Variants in WIPF3 observed in about 807,000 individuals in gnomAD.
WIPF3 encodes the protein WAS/WASL interacting protein family member 3.
A neutral mutation model predicts 38.9 loss-of-function variants in WIPF3; 33 were observed. The ratio of observed to expected loss-of-function variants is 0.85; its 90% CI spans 0.64 to 1.14. The LOEUF (loss-of-function observed/expected upper bound fraction) is 1.14. Among genes scored for constraint, WIPF3 ranks in the 50% most tolerant of loss-of-function variants. WIPF3 has a pLI of 0.00. For missense variants in WIPF3, 711 were observed against 652.5 expected (o/e 1.09, Z -0.98); for synonymous variants, 324 against 269.3 (o/e 1.20, Z -1.99).
At chr7:29,822,609 GT>G (rs888516583) in intron 1 of WIPF3, among the ~76,000 whole-genome samples, 1 of 152,146 alleles carries the variant, frequency 6.6e-6, no homozygotes, top group African/African-American at 2.4e-5. Context: ...AGGAGCTAGT[GT>G]TTCCCACTTT....
chr7:29,866,180 T>G (rs181645069), intron 2 of WIPF3, among the ~76,000 whole-genome samples: 1 of 152,264 alleles, frequency 6.6e-6, no homozygotes. Flanking sequence ...AAGTCTAGAT[T>G]CACTTACATT....
At chr7:29,813,976 A>T (rs568376452) in intron 1 of WIPF3, among the ~76,000 whole-genome samples, 1 of 150,908 alleles carries the variant, frequency 6.6e-6, no homozygotes, top group African/African-American at 2.4e-5. Flanking sequence ...ACTGGAGTCC[A>T]GTGGTGCTAT....
intron 1 of WIPF3, among the ~76,000 whole-genome samples, chr7:29,833,068 C>T (rs6462184): frequency 0.53 from 80,983 of 152,090 alleles, 21,898 homozygotes; most frequent in Middle Eastern, 0.64. Context: ...CAGACTCAAA[C>T]GGACAAATGT....
chr7:29,910,408 G>A (rs2190086), intron 8 of WIPF3, among the ~76,000 whole-genome samples: 96,245 of 151,964 alleles, frequency 0.63, 31,442 homozygotes, highest in East Asian at 0.88. Flanking sequence ...AGGAGGGAAC[G>A]CTTTTTATCT....
intron 2 of WIPF3, among the ~76,000 whole-genome samples, chr7:29,852,230 T>A (rs1785111240): frequency 6.6e-6 from 1 of 152,176 alleles, no homozygotes; most frequent in African/African-American, 2.4e-5. Context: ...GGTTTCAAAC[T>A]CCTGGCGTCA....
rs752523633 is a variant in WIPF3, at chr7:29,888,111, G to A, written c.1143G>A (p.Ala381=). 7 of 1,613,798 alleles carry A rather than the reference G, an allele frequency of 4.3e-6. No homozygotes were observed. The highest frequency in any genetic ancestry group is 4.5e-5 in the East Asian group (2 of 44,892). The change falls in exon 6 of 9, where the codon GCG becomes GCA. Residue 381 remains alanine, a synonymous_variant. Coordinates refer to ENST00000242140, the MANE Select transcript of WIPF3 (RefSeq NM_001080529.3). ...GKLNPPPAPP[A]RSPTTELSSK... Reference sequence around the variant, plus strand: ...TAAATCCACCTCCAGCACCCCCTGCGAGATCACCTACCACAGAGCTTTCAA... The same window carrying A: ...TAAATCCACCTCCAGCACCCCCTGCAAGATCACCTACCACAGAGCTTTCAA...
At chr7:29,910,038 G>T (rs1477399994) in intron 8 of WIPF3, among the ~76,000 whole-genome samples, 2 of 152,146 alleles carry the variant, frequency 1.3e-5, no homozygotes, top group Non-Finnish European at 2.9e-5. Flanking sequence ...GGTGACTATA[G>T]TCAACAATAA....
At chr7:29,896,984 TC>T (rs1246376723) in intron 7 of WIPF3, among the ~76,000 whole-genome samples, 1 of 152,134 alleles carries the variant, frequency 6.6e-6, no homozygotes, top group African/African-American at 2.4e-5. Context: ...CCTGAACAAC[TC>T]CCCATTCTCC....
At chr7:29,894,954 G>A (rs1395942509) in intron 7 of WIPF3, among the ~76,000 whole-genome samples, 1 of 146,386 alleles carries the variant, frequency 6.8e-6, no homozygotes. Context: ...TTTCGCTTTT[G>A]TTTTGTTTCA....
At chr7:29,830,847 G>C (rs537108275) in intron 1 of WIPF3, among the ~76,000 whole-genome samples, 2 of 152,274 alleles carry the variant, frequency 1.3e-5, no homozygotes, top group South Asian at 4.1e-4. Context: ...CACCTACCGG[G>C]TGGGAGAGTC....
intron 1 of WIPF3, among the ~76,000 whole-genome samples, chr7:29,814,681 A>G (rs917846085): frequency 4.6e-5 from 7 of 152,334 alleles, no homozygotes; most frequent in African/African-American, 1.7e-4. Context: ...GGATGATAAC[A>G]TCTGTTGTGA....
At chr7:29,869,308 G>A (rs184908737) in intron 2 of WIPF3, among the ~76,000 whole-genome samples, 323 of 152,274 alleles carry the variant, frequency 2.1e-3, no homozygotes, top group African/African-American at 6.9e-3. Flanking sequence ...GATTACAGGC[G>A]TGAGCCACTG....
rs1784973151 is a variant in WIPF3 at position 29,844,850 on chromosome 7, A to G, written c.90+10036A>G. On this transcript the variant is annotated intron_variant, in intron 2 of 8. Coordinates refer to ENST00000242140, the MANE Select transcript of WIPF3 (RefSeq NM_001080529.3). This position sits in a 1 kb window ranked among gnomAD's most constrained non-coding sequence, Gnocchi z 4.8. ...GGGCTATTATTGGGACTCTGGCCGA[A>G]CGGCTCCCGGCTGTGCTCTGAAGCG... 6.6e-6 allele frequency among the ~76,000 whole-genome samples: 1 copy of G among 152,176 alleles called. No homozygotes were observed. The highest frequency in any genetic ancestry group is 2.1e-4 in the South Asian group (1 of 4,832).
chr7:29,883,799 G>C, intron 4 of WIPF3, 51 bp from the exon 5 acceptor site: 1 of 1,508,314 alleles, frequency 6.6e-7, no homozygotes, highest in South Asian at 1.3e-5. Flanking sequence ...ACCTGCGGGG[G>C]CTTTCTCCTT....
chr7:29,857,681 A>G lies in WIPF3; in HGVS notation c.91-18149A>G, dbSNP rs557389942. ...CCAGTGACTTCTCCCAGGGATGTTG[A>G]TGACTGTGGAGCTTTAATGTATGAT... On this transcript the variant is annotated intron_variant, in intron 2 of 8. Coordinates refer to ENST00000242140, the MANE Select transcript of WIPF3 (RefSeq NM_001080529.3). Among the ~76,000 whole-genome samples the G allele has an allele frequency of 1.2e-4, 18 of 152,130 alleles. 1 individual carries two copies. Among genetic ancestry groups the G allele is most frequent in the Non-Finnish European group, 2.4e-4 (16 of 68,028 alleles).
At chr7:29,854,409 A>G (rs1422683355) in intron 2 of WIPF3, among the ~76,000 whole-genome samples, 1 of 152,230 alleles carries the variant, frequency 6.6e-6, no homozygotes, top group East Asian at 1.9e-4. Flanking sequence ...AATATGCACT[A>G]TTAGCATCCA....
At chr7:29,841,666 G>A (rs1453645536) in intron 2 of WIPF3, among the ~76,000 whole-genome samples, 1 of 152,136 alleles carries the variant, frequency 6.6e-6, no homozygotes, top group Non-Finnish European at 1.5e-5. Context: ...ACAAAAATTA[G>A]CCAGGTATGG....
At chr7:29,855,651 G>A (rs1785174882) in intron 2 of WIPF3, among the ~76,000 whole-genome samples, 1 of 152,166 alleles carries the variant, frequency 6.6e-6, no homozygotes, top group Non-Finnish European at 1.5e-5. Flanking sequence ...TGGAGTGGAC[G>A]AGCAGACCCA....
intron 7 of WIPF3, among the ~76,000 whole-genome samples, chr7:29,898,867 C>T (rs1321628606): frequency 3.3e-5 from 5 of 152,034 alleles, no homozygotes; most frequent in Non-Finnish European, 7.4e-5. Context: ...ATACTTTCTC[C>T]GAATATCCAT....
Sources: gnomAD v4.1 joint callset for allele counts (sites outside exome capture counted in the v4.1 genomes callset) on GRCh38, gnomAD v4.1.1 for gene constraint, Gnocchi (gnomAD v3.1) non-coding constraint, MANE v1.5 for transcripts, NCBI Gene and HGNC (gene_info 2026-07-23, HGNC 2026-07-21) for gene names.